MARCHF3: variants seen among roughly 807,000 people sequenced by gnomAD.
The protein encoded by MARCHF3 is membrane associated ring-CH-type finger 3.
In MARCHF3, 13 loss-of-function variants were observed where a neutral mutation model predicts 24.2. The observed-to-expected ratio is 0.54, with a 90% CI of 0.35 to 0.85. The LOEUF is 0.85. Ranked by LOEUF, MARCHF3 falls within the 40% of genes least tolerant of loss-of-function variation. MARCHF3 has a pLI of 0.01. For missense variants in MARCHF3, 276 were observed against 325.0 expected (o/e 0.85, Z 1.16); for synonymous variants, 144 against 137.3 (o/e 1.05, Z -0.34).
At chr5:126,923,684 A>T (rs1749201492) in intron 1 of MARCHF3, among the ~76,000 whole-genome samples, 1 of 152,256 alleles carries the variant, frequency 6.6e-6, no homozygotes, top group South Asian at 2.1e-4. Flanking sequence ...GTCCAGCAAG[A>T]TGAATAATCT....
At chr5:126,922,027 G>C (rs1372103426) in intron 1 of MARCHF3, among the ~76,000 whole-genome samples, 1 of 152,234 alleles carries the variant, frequency 6.6e-6, no homozygotes, top group Non-Finnish European at 1.5e-5. Context: ...ACCTAACCAG[G>C]CAGCAGCGAT....
At position 126,897,720 on chromosome 5, in the gene MARCHF3, TCCA is replaced by T. The variant is rs376978303; in HGVS notation, c.393+17207_393+17209del. Among the ~76,000 whole-genome samples the T allele has an allele frequency of 2.5e-3, 374 of 152,166 alleles. 4 individuals are homozygous for T. The highest frequency in any genetic ancestry group is 8.5e-3 in the African/African-American group (354 of 41,500). On this transcript the variant is annotated intron_variant, in intron 3 of 4. Transcript: ENST00000308660. The stretch of plus-strand genomic sequence containing the variant: ...CTCTGGGCCAGTTTCCTCATTTATA[TCCA>T]CAAATAGGAGACCATTAGAGCACCC...
intron 1 of MARCHF3, among the ~76,000 whole-genome samples, chr5:126,980,974 TG>T (rs1751375071): frequency 6.6e-6 from 1 of 152,222 alleles, no homozygotes; most frequent in African/African-American, 2.4e-5. Flanking sequence ...CAAGAGCAGT[TG>T]TATGTGTATA....
At chr5:126,949,379 G>GA (rs1350244946) in intron 1 of MARCHF3, among the ~76,000 whole-genome samples, 2 of 152,186 alleles carry the variant, frequency 1.3e-5, no homozygotes, top group Non-Finnish European at 2.9e-5. Context: ...CGGTTCTGAT[G>GA]AAACAGAAAA....
At chr5:126,993,725 T>C (rs1051169556) in intron 1 of MARCHF3, among the ~76,000 whole-genome samples, 2 of 152,216 alleles carry the variant, frequency 1.3e-5, no homozygotes, top group Non-Finnish European at 2.9e-5. Flanking sequence ...TTTAACCCTT[T>C]GGGATGGCGT....
chr5:126,877,427 C>T lies in MARCHF3; in HGVS notation c.603+758G>A, dbSNP rs141508730. On this transcript the variant is annotated intron_variant, in intron 4 of 4. Transcript: ENST00000308660. ...TAGAAGACAGTGATGTCCTTCCCTG[C>T]AGCTCCCAGAGGAAAGCATAAGGAG... Among the ~76,000 whole-genome samples the T allele has an allele frequency of 1.0e-3, 153 of 152,318 alleles. 1 individual carries two copies. The highest frequency in any genetic ancestry group is 1.7e-3 in the Non-Finnish European group (119 of 68,024).
intron 1 of MARCHF3, among the ~76,000 whole-genome samples, chr5:126,956,575 G>A (rs1329106745): frequency 1.3e-5 from 2 of 148,170 alleles, no homozygotes; most frequent in South Asian, 2.2e-4. Flanking sequence ...AACCTGGGAG[G>A]TGGAAGTTGC....
At chr5:126,936,436 A>G (rs931039378) in intron 1 of MARCHF3, among the ~76,000 whole-genome samples, 3 of 152,220 alleles carry the variant, frequency 2.0e-5, no homozygotes, top group African/African-American at 7.2e-5. Context: ...GGGCACTAAC[A>G]TGAGTTTATA....
At chr5:126,926,029 TCA>T (rs1749283338) in intron 1 of MARCHF3, among the ~76,000 whole-genome samples, 1 of 152,290 alleles carries the variant, frequency 6.6e-6, no homozygotes, top group Admixed American at 6.5e-5. Context: ...GTTTTTGGGC[TCA>T]CACACATTTT....
chr5:126,950,904 T>C (rs1750209440), intron 1 of MARCHF3, among the ~76,000 whole-genome samples: 1 of 152,204 alleles, frequency 6.6e-6, no homozygotes, highest in African/African-American at 2.4e-5. Context: ...TGCACAAATA[T>C]AAAGTGTAAA....
chr5:127,026,767 T>C (rs551303698), intron 1 of MARCHF3, among the ~76,000 whole-genome samples: 87 of 152,322 alleles, frequency 5.7e-4, no homozygotes, highest in Middle Eastern at 3.4e-3. Flanking sequence ...TGGAAAAAAA[T>C]CATTGTCCTC....
At chr5:126,880,206 T>C (rs571019174) in intron 3 of MARCHF3, among the ~76,000 whole-genome samples, 133 of 152,092 alleles carry the variant, frequency 8.7e-4, no homozygotes, top group Non-Finnish European at 1.7e-3. Context: ...CAAAGAAAGT[T>C]TTCTGGGAGG....
rs183635079 is a variant in MARCHF3 at position 126,908,360 on chromosome 5, G to A, written c.393+6570C>T. On this transcript the variant is annotated intron_variant, in intron 3 of 4. Transcript: ENST00000308660. ...TTCTCTGTATTTCCTGAATCTGAATGTTGGCCTGCCTTGCTAGATTGGGGA... is the reference window on the plus strand; with the variant it reads ...TTCTCTGTATTTCCTGAATCTGAATATTGGCCTGCCTTGCTAGATTGGGGA... 3.3e-5 allele frequency among the ~76,000 whole-genome samples: 5 copies of A among 152,196 alleles called. No individual in the cohort carries two copies. The East Asian group carries it at 9.7e-4, about 29-fold the overall frequency.
chr5:126,916,886 C>T (rs1189354080), intron 2 of MARCHF3, among the ~76,000 whole-genome samples: 2 of 152,148 alleles, frequency 1.3e-5, no homozygotes, highest in Admixed American at 6.5e-5. Flanking sequence ...TGTTCTGAGT[C>T]CTAACCAATT....
intron 1 of MARCHF3, among the ~76,000 whole-genome samples, chr5:127,009,821 A>G (rs751495009): frequency 6.6e-5 from 10 of 152,210 alleles, no homozygotes; most frequent in Non-Finnish European, 1.3e-4. Context: ...CAGGTAAAGG[A>G]AACAGCCAAA....
intron 3 of MARCHF3, among the ~76,000 whole-genome samples, chr5:126,904,851 G>C: frequency 2.7e-5 from 4 of 146,100 alleles, no homozygotes; most frequent in Admixed American, 6.9e-5. Context: ...GGCTTTTGTT[G>C]CCATTGCTTT....
In MARCHF3 at chr5:126,914,957, G is replaced by A. The variant is rs751723228; in HGVS notation, c.366C>T (p.Val122=). Residue 122 remains valine (V), a synonymous_variant, in exon 3 of 5, where the codon GTC becomes GTT. Coordinates refer to ENST00000308660, the MANE Select transcript of MARCHF3 (RefSeq NM_178450.5). ...YCELCHFRFA[V]ERKPRPLVEW... ...CCACTAACGGCCTGGGTTTGCGCTC[G>A]ACTGCAAACCTGAAGTGGCAGAGTT... The A allele has an allele frequency of 1.1e-5, 17 of 1,614,148 alleles. No individual in the cohort carries two copies. The highest frequency in any genetic ancestry group is 1.4e-5 in the Non-Finnish European group (17 of 1,180,022).
intron 1 of MARCHF3, among the ~76,000 whole-genome samples, chr5:126,972,917 T>G (rs977820651): frequency 3.3e-5 from 5 of 152,234 alleles, no homozygotes; most frequent in African/African-American, 1.2e-4. Flanking sequence ...TATACCACAT[T>G]TCTCCCCGTA....
chr5:126,986,857 G>T (rs895199603), intron 1 of MARCHF3, among the ~76,000 whole-genome samples: 1 of 152,196 alleles, frequency 6.6e-6, no homozygotes, highest in Non-Finnish European at 1.5e-5. Flanking sequence ...AGACATGAGA[G>T]TGATGCAATT....
Sources: allele counts gnomAD v4.1 joint callset (sites outside exome capture counted in the v4.1 genomes callset), GRCh38; gene constraint gnomAD v4.1.1; transcripts MANE v1.5; gene names NCBI Gene and HGNC (gene_info 2026-07-23, HGNC 2026-07-21).